The following TMC2 variants were observed in gnomAD, a reference collection of about 807,000 sequenced individuals.
The protein encoded by TMC2 is transmembrane channel like 2.
TMC2 carries 102 observed loss-of-function variants against 105.9 expected under a neutral mutation model. The ratio of observed to expected loss-of-function variants is 0.96; its 90% CI spans 0.82 to 1.14. TMC2 has a LOEUF of 1.14. Ranked by LOEUF, TMC2 falls within the 50% of genes most tolerant of loss-of-function variation. The probability of loss-of-function intolerance (pLI) is 0.00; values close to 1 mark genes in which losing one functional copy is unlikely to be tolerated. For synonymous variants in TMC2, 402 were observed against 422.8 expected (o/e 0.95, Z 0.60); for missense variants, 1,093 against 1,134.3 (o/e 0.96, Z 0.52).
intron 2 of TMC2, among the ~76,000 whole-genome samples, chr20:2,545,034 CAAAA>C (rs34794391): frequency 2.8e-4 from 28 of 98,400 alleles, no homozygotes; most frequent in African/African-American, 7.9e-4. Flanking sequence ...CTGTCTCTAC[CAAAA>C]AAAAAAAAAA....
Position 2,572,251 on chromosome 20 carries a change from C to T in TMC2, c.627C>T (p.Tyr209=). 6.2e-7 allele frequency: 1 copy of T among 1,612,638 alleles called. No individual in the cohort carries two copies. Among genetic ancestry groups the T allele is most frequent in the Non-Finnish European group, 8.5e-7 (1 of 1,179,272 alleles). The change falls in exon 5 of 20, where the codon TAC becomes TAT. Residue 209 remains tyrosine (Y), a synonymous_variant. Transcript: ENST00000358864. The part of the protein sequence containing the change: ...GKGKGKQLYA[Y]KMLMAKKWVK... ...GGAAAGGCAAGCAACTATATGCCTACAAGATGCTGATGGCCAAGGTGTGTG... is the reference window on the plus strand; with the variant it reads ...GGAAAGGCAAGCAACTATATGCCTATAAGATGCTGATGGCCAAGGTGTGTG...
At chr20:2,538,706 C>G (rs1003182198) in intron 2 of TMC2, among the ~76,000 whole-genome samples, 1 of 152,192 alleles carries the variant, frequency 6.6e-6, no homozygotes, top group Non-Finnish European at 1.5e-5. Context: ...TCCACGTTGC[C>G]GCTGCCGTTT....
chr20:2,558,956 C>T lies in TMC2; in HGVS notation c.401+182C>T, dbSNP rs2086005303. Among the ~76,000 whole-genome samples, 1 of 152,292 alleles carries T rather than the reference C, an allele frequency of 6.6e-6. No homozygotes were observed. Among genetic ancestry groups the T allele is most frequent in the Non-Finnish European group, 1.5e-5 (1 of 68,010 alleles). ...CCCACTCTGCGGTGGGTTCTTCATCCCAGAACCGGGATGAAGATCGCGGGT... is the reference window on the plus strand; with the variant it reads ...CCCACTCTGCGGTGGGTTCTTCATCTCAGAACCGGGATGAAGATCGCGGGT... On this transcript the variant is annotated intron_variant, in intron 3 of 19. Transcript: ENST00000358864. This position sits in a 1 kb window ranked among gnomAD's most constrained non-coding sequence, Gnocchi z 4.6.
chr20:2,636,066 A>G, intron 18 of TMC2, 62 bp downstream of exon 18: 2 of 1,458,698 alleles, frequency 1.4e-6, no homozygotes, highest in Non-Finnish European at 1.9e-6. Context: ...GGTTTTTGCT[A>G]ATTTGCTGTG....
At chr20:2,584,215 C>T (rs1054256852) in intron 7 of TMC2, among the ~76,000 whole-genome samples, 25 of 151,936 alleles carry the variant, frequency 1.6e-4, no homozygotes, top group Admixed American at 7.9e-4. Flanking sequence ...GAGGCCGAGG[C>T]GGGCGGATCA....
At chr20:2,587,684 A>G (rs960299794) in intron 7 of TMC2, among the ~76,000 whole-genome samples, 4 of 152,194 alleles carry the variant, frequency 2.6e-5, no homozygotes, top group African/African-American at 9.6e-5. Flanking sequence ...TATATTGTGG[A>G]ATGGTTAAAT....
Position 2,641,540 on chromosome 20 carries a change from C to T in TMC2, c.*189C>T, listed in dbSNP as rs545752585. 8.6e-6 allele frequency: 5 copies of T among 582,320 alleles called. No individual in the cohort carries two copies. The highest frequency in any genetic ancestry group is 7.4e-5 in the African/African-American group (4 of 53,698). 36.1% of individuals were successfully genotyped at this position (582,320 alleles called of 1,614,324 possible). A position where few individuals can be genotyped will look rare whatever the true frequency, so the allele number is the denominator to read the frequency against. On this transcript the variant is annotated 3_prime_UTR_variant, in exon 20 of 20. Transcript: ENST00000358864. ...CGAAGGAGGAAGACAGTGGCTTCAC[C>T]TGTCCTTTAGGGAAGCTGGAGCCAT...
At chr20:2,620,331 T>C (rs1205310925) in intron 16 of TMC2, among the ~76,000 whole-genome samples, 1 of 152,228 alleles carries the variant, frequency 6.6e-6, no homozygotes, top group East Asian at 1.9e-4. Flanking sequence ...CATGAGAATG[T>C]GCTGTAAAAA....
intron 12 of TMC2, among the ~76,000 whole-genome samples, chr20:2,611,575 C>T (rs1293653745): frequency 6.6e-6 from 1 of 152,164 alleles, no homozygotes; most frequent in Non-Finnish European, 1.5e-5. Flanking sequence ...TCTGTGGCCC[C>T]CATTGTGTGA....
chr20:2,565,678 G>A (rs2086059232), intron 4 of TMC2, among the ~76,000 whole-genome samples: 1 of 152,134 alleles, frequency 6.6e-6, no homozygotes, highest in Admixed American at 6.6e-5. Context: ...ATAGTAGTGT[G>A]GGGGCCCCAT....
At chr20:2,573,289 A>G (rs2086116105) in intron 5 of TMC2, among the ~76,000 whole-genome samples, 1 of 152,086 alleles carries the variant, frequency 6.6e-6, no homozygotes, top group South Asian at 2.1e-4. Flanking sequence ...TTATCTATAC[A>G]ATATTTAGTT....
chr20:2,610,038 G>A (rs775146713), intron 11 of TMC2, among the ~76,000 whole-genome samples: 2 of 151,986 alleles, frequency 1.3e-5, no homozygotes, highest in South Asian at 2.1e-4. Context: ...TAGTAGAGAC[G>A]GGGTTTCACC....
At chr20:2,579,453 G>T (rs556299431) in intron 6 of TMC2, among the ~76,000 whole-genome samples, 2 of 149,662 alleles carry the variant, frequency 1.3e-5, no homozygotes, top group African/African-American at 4.9e-5. Context: ...ACAGAGTCTC[G>T]CTCTGTTGCC....
chr20:2,536,665 C>T lies in TMC2; in HGVS notation c.34+10C>T, dbSNP rs373813036. The T allele has an allele frequency of 1.8e-5, 28 of 1,570,896 alleles. No individual in the cohort carries two copies. Among genetic ancestry groups the T allele is most frequent in the South Asian group, 8.2e-5 (7 of 85,368 alleles). The stretch of plus-strand genomic sequence containing the variant: ...GGCCTGAAAGAGGAAGGTGAGTCCA[C>T]GTCCTGATCCTGCGGGGCCCGCCCA... On this transcript the variant is annotated intron_variant, in intron 1 of 19. Transcript: ENST00000358864.
intron 11 of TMC2, among the ~76,000 whole-genome samples, chr20:2,607,372 A>G (rs1043494539): frequency 1.1e-4 from 16 of 152,168 alleles, no homozygotes; most frequent in Middle Eastern, 6.8e-3. Context: ...CTCAATTTCA[A>G]TTCTGTTCTC....
At chr20:2,575,209 T>C (rs1466359154) in intron 5 of TMC2, among the ~76,000 whole-genome samples, 1 of 152,254 alleles carries the variant, frequency 6.6e-6, no homozygotes, top group Non-Finnish European at 1.5e-5. Flanking sequence ...TCTAGATTTT[T>C]ACTGTGACAA....
At chr20:2,574,407 A>AAATG (rs1362352508) in intron 5 of TMC2, among the ~76,000 whole-genome samples, 1 of 152,270 alleles carries the variant, frequency 6.6e-6, no homozygotes, top group Non-Finnish European at 1.5e-5. Flanking sequence ...TTATAATTGT[A>AAATG]AATGAATAGC....
chr20:2,610,842 T>G (rs1301886275), intron 12 of TMC2, among the ~76,000 whole-genome samples: 2 of 152,210 alleles, frequency 1.3e-5, no homozygotes, highest in African/African-American at 4.8e-5. Flanking sequence ...ACATGTCATT[T>G]GATACCTTAA....
intron 5 of TMC2, among the ~76,000 whole-genome samples, chr20:2,575,892 TC>T (rs2086140967): frequency 6.6e-6 from 1 of 152,216 alleles, no homozygotes; most frequent in African/African-American, 2.4e-5. Context: ...GCTCTTAGCT[TC>T]CTTGTAATCC....
Sources: allele counts gnomAD v4.1 joint callset (sites outside exome capture counted in the v4.1 genomes callset), GRCh38; gene constraint gnomAD v4.1.1; non-coding constraint Gnocchi (gnomAD v3.1); transcripts MANE v1.5; gene names NCBI Gene and HGNC (gene_info 2026-07-23, HGNC 2026-07-21).